The following RSAD2 variants were observed in gnomAD, a reference collection of about 807,000 sequenced individuals.
RSAD2 encodes the protein radical S-adenosyl methionine domain containing 2.
Under a neutral mutation model 37.7 loss-of-function variants are expected in RSAD2, and 38 were observed. The observed-to-expected ratio is 1.01, with a 90% CI of 0.78 to 1.32. The LOEUF is 1.32. Ranked by LOEUF, RSAD2 falls within the 40% of genes most tolerant of loss-of-function variation. RSAD2 has a pLI of 0.00. For missense variants in RSAD2, 428 were observed against 437.5 expected, an observed-to-expected ratio of 0.98 and a Z score of 0.19; for synonymous variants, 163 against 157.4, an observed-to-expected ratio of 1.04 and a Z score of -0.27.
intron 5 of RSAD2, among the ~76,000 whole-genome samples, chr2:6,895,091 G>A (rs367715890): frequency 1.3e-5 from 2 of 150,544 alleles, no homozygotes; most frequent in African/African-American, 4.9e-5. Context: ...TAAGGAGTGT[G>A]AAGAAATCGT....
intron 2 of RSAD2, among the ~76,000 whole-genome samples, chr2:6,884,026 T>A (rs1663467440): frequency 6.6e-6 from 1 of 152,198 alleles, no homozygotes; most frequent in South Asian, 2.1e-4. Context: ...GCAGTTCAGT[T>A]TTCTGCAGGT....
intron 1 of RSAD2, among the ~76,000 whole-genome samples, chr2:6,872,293 C>T (rs1474592716): frequency 3.3e-5 from 5 of 152,240 alleles, no homozygotes; most frequent in African/African-American, 9.6e-5. Flanking sequence ...CTTCTTAATT[C>T]AGAAGAACAA....
intron 1 of RSAD2, among the ~76,000 whole-genome samples, chr2:6,880,433 G>T (rs1240868464): frequency 1.3e-5 from 2 of 152,150 alleles, no homozygotes; most frequent in African/African-American, 4.8e-5. Context: ...AGAGTTGTGT[G>T]TCTGTTCCCG....
Position 6,877,932 on chromosome 2 carries a change from C to G in RSAD2, c.132C>G (p.Thr44=). The G allele has an allele frequency of 6.2e-7, 1 of 1,614,028 alleles. No individual in the cohort carries two copies. Among genetic ancestry groups the G allele is most frequent in the South Asian group, 1.1e-5 (1 of 91,072 alleles). The stretch of plus-strand genomic sequence containing the variant: ...GGGCAACCTTCTGGCTGCTAGCTAC[C>G]AAGAGGAGAAAGCAGCAGCTGGTCC... ...WLRATFWLLA[T]KRRKQQLVLR... Residue 44 remains threonine, a synonymous_variant, in exon 1 of 6, where the codon ACC becomes ACG. Coordinates refer to ENST00000382040, the MANE Select transcript of RSAD2 (RefSeq NM_080657.5).
chr2:6,877,708 A>G, upstream of RSAD2: 1 of 919,058 alleles, frequency 1.1e-6, no homozygotes, highest in East Asian at 2.6e-5. Flanking sequence ...CCTGCTCCCC[A>G]ATGACAGGTT....
intron 1 of RSAD2, among the ~76,000 whole-genome samples, chr2:6,871,806 G>GT (rs1185797512): frequency 3.3e-5 from 5 of 152,134 alleles, no homozygotes; most frequent in African/African-American, 4.8e-5. Context: ...TGCTTTTCAA[G>GT]TTCATATCAC....
intron 5 of RSAD2, 76 bp from the exon 6 acceptor site, chr2:6,895,702 G>A: frequency 7.7e-7 from 1 of 1,298,832 alleles, no homozygotes; most frequent in Non-Finnish European, 1.1e-6. Context: ...AAAGCTATTT[G>A]GGATTAATAG....
intron 4 of RSAD2, among the ~76,000 whole-genome samples, chr2:6,891,698 C>A (rs1286833983): frequency 6.6e-6 from 1 of 152,084 alleles, no homozygotes; most frequent in African/African-American, 2.4e-5. Flanking sequence ...ACCCGGGAGG[C>A]GGAGCTTGCA....
rs1191491658 is a variant in RSAD2 at position 6,897,309 on chromosome 2, AG to A, written c.*1369del. 6.6e-6 allele frequency: 1 copy of A among 152,218 alleles called. No individual in the cohort carries two copies. Among genetic ancestry groups the A allele is most frequent in the Non-Finnish European group, 1.5e-5 (1 of 68,048 alleles). 9.4% of individuals were successfully genotyped at this position (152,218 alleles called of 1,614,324 possible). A position where few individuals can be genotyped will look rare whatever the true frequency, so the allele number is the denominator to read the frequency against. On this transcript the variant is annotated 3_prime_UTR_variant, in exon 6 of 6. Transcript: ENST00000382040. Reference sequence around the variant, plus strand: ...AATTTTTGTTGTCCAGGCAAATAAAAGGTCATTTTAATTTAGCTGCAATTTC... The same window carrying A: ...AATTTTTGTTGTCCAGGCAAATAAAAGTCATTTTAATTTAGCTGCAATTTC...
chr2:6,887,263 C>A (rs1335923549), intron 3 of RSAD2, 99 bp downstream of exon 3: 3 of 849,248 alleles, frequency 3.5e-6, no homozygotes, highest in African/African-American at 1.7e-5. Flanking sequence ...CAAGAGAACT[C>A]TGGACCTCGC....
chr2:6,872,689 C>T (rs1663220776), intron 1 of RSAD2, among the ~76,000 whole-genome samples: 1 of 152,078 alleles, frequency 6.6e-6, no homozygotes, highest in Non-Finnish European at 1.5e-5. Flanking sequence ...CTAAGTAAAT[C>T]ATAAGCTGCA....
intron 3 of RSAD2, among the ~76,000 whole-genome samples, chr2:6,889,364 C>T (rs939436592): frequency 6.6e-6 from 1 of 151,916 alleles, no homozygotes; most frequent in African/African-American, 2.4e-5. Flanking sequence ...TATCAAAAGA[C>T]CGAGAAGCAA....
At chr2:6,893,226 T>C (rs1663666268) in intron 4 of RSAD2, among the ~76,000 whole-genome samples, 1 of 133,240 alleles carries the variant, frequency 7.5e-6, no homozygotes, top group South Asian at 2.5e-4. Context: ...AGGGTAATAA[T>C]AAAATCCTCA....
At chr2:6,894,317 C>T (rs1417365301) in intron 5 of RSAD2, among the ~76,000 whole-genome samples, 1 of 152,074 alleles carries the variant, frequency 6.6e-6, no homozygotes, top group Non-Finnish European at 1.5e-5. Context: ...AGATCTATAA[C>T]CATTGCCACT....
chr2:6,866,286 C>T, intron 1 of RSAD2: 1 of 316,268 alleles, frequency 3.2e-6, no homozygotes, highest in South Asian at 1.1e-4. Flanking sequence ...TAGCTCTGAC[C>T]ACGCGTCCCC....
intron 5 of RSAD2, 135 bp downstream of exon 5, chr2:6,893,838 A>T (rs527609986): frequency 1.3e-5 from 8 of 639,200 alleles, no homozygotes; most frequent in African/African-American, 7.3e-5. Flanking sequence ...TTTGATAGTC[A>T]GTGATTATGA....
Position 6,878,054 on chromosome 2 carries a change from A to G in RSAD2, c.254A>G (p.Tyr85Cys), listed in dbSNP as rs761701524. ...TATCACTTCACTCGCCAGTGCAACT[A>G]CAAATGCGGCTTCTGTTTCCACACA... ...VNYHFTRQCNYKCGFCFHTAK... is the reference protein window; with the variant it reads ...VNYHFTRQCNCKCGFCFHTAK... Residue 85 changes from tyrosine to cysteine, a missense_variant, in exon 1 of 6, where the codon TAC becomes TGC. Tyr to Cys is a radical substitution (Grantham distance 194). Coordinates refer to ENST00000382040, the MANE Select transcript of RSAD2 (RefSeq NM_080657.5). 11 of 1,614,108 alleles carry G rather than the reference A, an allele frequency of 6.8e-6. No homozygotes were observed. The highest frequency in any genetic ancestry group is 9.3e-6 in the Non-Finnish European group (11 of 1,180,046).
intron 2 of RSAD2, chr2:6,883,765 T>C: frequency 1.9e-6 from 1 of 538,166 alleles, no homozygotes; most frequent in Non-Finnish European, 3.3e-6. Context: ...GACCTTTTAC[T>C]GAGATGACTA....
In RSAD2 at chr2:6,872,214, G is replaced by C. The variant is rs550844126; in HGVS notation, c.142+6169G>C. ...ATGGTTAATATTCATTGCATGTCTA[G>C]ATCATTTAGAAATAAGATAATACTA... On this transcript the variant is annotated intron_variant, in intron 1 of 5. Coordinates refer to the RSAD2 transcript ENST00000442639. 4.6e-5 allele frequency among the ~76,000 whole-genome samples: 7 copies of C among 152,230 alleles called. No individual in the cohort carries two copies. In the South Asian group the frequency reaches 1.4e-3, roughly 32 times the overall value.
Sources: allele counts gnomAD v4.1 joint callset (sites outside exome capture counted in the v4.1 genomes callset), GRCh38; gene constraint gnomAD v4.1.1; transcripts MANE v1.5; gene names NCBI Gene and HGNC (gene_info 2026-07-23, HGNC 2026-07-21).